Variants in MASTL observed in about 807,000 individuals in gnomAD.
MASTL encodes serine/threonine-protein kinase greatwall.
In MASTL, 54 loss-of-function variants were observed where a neutral mutation model predicts 82.5. That is an observed-to-expected ratio of 0.65 (90% confidence interval 0.53 to 0.82). The LOEUF (loss-of-function observed/expected upper bound fraction) is 0.82. Ranked by LOEUF, MASTL falls within the 40% of genes least tolerant of loss-of-function variation. The pLI is 0.00. For synonymous variants in MASTL, 323 were observed against 368.9 expected, an observed-to-expected ratio of 0.88 and a Z score of 1.43; for missense variants, 950 against 1,047.8, an observed-to-expected ratio of 0.91 and a Z score of 1.29.
At chr10:27,171,190 C>A in intron 8 of MASTL, 107 bp downstream of exon 8, 1 of 957,190 alleles carries the variant, frequency 1.0e-6, no homozygotes, top group Non-Finnish European at 1.6e-6. Context: ...TAGTTCTGTT[C>A]TTCTTGTTGA....
At chr10:27,171,333 A>C (rs1248736620) in intron 8 of MASTL, among the ~76,000 whole-genome samples, 1 of 151,794 alleles carries the variant, frequency 6.6e-6, no homozygotes, top group Non-Finnish European at 1.5e-5. Flanking sequence ...ACAATCACAT[A>C]TTTTCACTTG....
intron 4 of MASTL, among the ~76,000 whole-genome samples, chr10:27,164,830 G>A (rs1156563909): frequency 6.6e-6 from 1 of 151,778 alleles, no homozygotes; most frequent in Non-Finnish European, 1.5e-5. Context: ...TAGAGACAGT[G>A]TTTCACCATG....
chr10:27,169,977 A>C lies in MASTL; in HGVS notation c.1018A>C (p.Ser340Arg). The C allele has an allele frequency of 6.2e-7, 1 of 1,614,146 alleles. No individual in the cohort carries two copies. The highest frequency in any genetic ancestry group is 1.3e-5 in the African/African-American group (1 of 75,052). The stretch of plus-strand genomic sequence containing the variant: ...TGAAGCATTGGGCCCAACAATGATG[A>C]GTTGGAATGCAGTTGAAAAGTTATG... ...SDEALGPTMM[S>R]WNAVEKLCAK... is the part of the protein sequence containing the mutation. Residue 340 changes from serine (S) to arginine (R), a missense_variant, in exon 8 of 12, where the codon AGT becomes CGT. Ser to Arg is a moderately radical substitution (Grantham distance 110). Coordinates refer to ENST00000375940, the MANE Select transcript of MASTL (RefSeq NM_001172303.3).
chr10:27,155,306 G>A (rs1165007347), upstream of MASTL: 5 of 979,996 alleles, frequency 5.1e-6, no homozygotes, highest in African/African-American at 1.6e-5. Context: ...GGCGGGGCGC[G>A]GCGGCGGGGT....
intron 10 of MASTL, 91 bp from the exon 11 acceptor site, chr10:27,181,389 C>T (rs1361824243): frequency 4.1e-6 from 4 of 983,824 alleles, no homozygotes; most frequent in African/African-American, 1.9e-5. Flanking sequence ...GAAACTCCAT[C>T]TCAAAAAACA....
chr10:27,165,196 A>G (rs1365418672), intron 5 of MASTL, 26 bp downstream of exon 5: 2 of 1,492,670 alleles, frequency 1.3e-6, no homozygotes, highest in Admixed American at 1.7e-5. Context: ...GAAAATTAAC[A>G]TGACATACCC....
chr10:27,165,260 T>C, intron 5 of MASTL, 90 bp downstream of exon 5: 4 of 1,381,876 alleles, frequency 2.9e-6, no homozygotes, highest in Non-Finnish European at 4.1e-6. Context: ...AAGATCAAAA[T>C]AGATTTAAAT....
In MASTL at chr10:27,167,393, A is replaced by G. The variant is rs2057775948; in HGVS notation, c.984+119A>G. 4 of 817,164 alleles carry G rather than the reference A, an allele frequency of 4.9e-6. No homozygotes were observed. In the African/African-American group the frequency reaches 6.9e-5, roughly 14 times the overall value. 50.6% of individuals were successfully genotyped at this position (817,164 alleles called of 1,614,324 possible). A position where few individuals can be genotyped will look rare whatever the true frequency, so the allele number is the denominator to read the frequency against. ...TGAAATTGTTACATGAATGGCAGTC[A>G]TAGTATTAATCAGAAATTCATTTTC... On this transcript the variant is annotated intron_variant, in intron 7 of 11. Coordinates refer to ENST00000375940, the MANE Select transcript of MASTL (RefSeq NM_001172303.3).
chr10:27,184,083 C>T (rs2058489423), intron 11 of MASTL, among the ~76,000 whole-genome samples: 1 of 152,104 alleles, frequency 6.6e-6, no homozygotes, highest in African/African-American at 2.4e-5. Context: ...TTGCTTCAGG[C>T]CCTGGGAATA....
rs1170036929 is a variant in MASTL at position 27,165,381 on chromosome 10, T to C, written c.661-8T>C. The C allele has an allele frequency of 1.5e-5, 24 of 1,613,890 alleles. No individual in the cohort carries two copies. The highest frequency in any genetic ancestry group is 2.0e-5 in the Non-Finnish European group (24 of 1,180,008). On this transcript the variant is annotated splice_region_variant and splice_polypyrimidine_tract_variant and intron_variant, in intron 5 of 11. Transcript: ENST00000375940. ...AACCTGTTGTTTTTATTTTTCTCTT[T>C]TTAATAGAACACACCAATTGCAGAA...
At chr10:27,163,313 C>T (rs2057634671) in intron 4 of MASTL, among the ~76,000 whole-genome samples, 1 of 152,142 alleles carries the variant, frequency 6.6e-6, no homozygotes, top group African/African-American at 2.4e-5. Flanking sequence ...TACCACATTA[C>T]TTTTCTAAAA....
rs1221241768 is a variant in MASTL at position 27,155,457 on chromosome 10, C to T, written c.31C>T (p.Pro11Ser). 3.1e-6 allele frequency: 5 copies of T among 1,612,990 alleles called. No homozygotes were observed. The highest frequency in any genetic ancestry group is 3.4e-6 in the Non-Finnish European group (4 of 1,179,700). Reference sequence around the variant, plus strand: ...TCCCACCGCGGGAAGCAAGAAGGAGCCTGGAGGAGGCGCGGCGACTGAGGA... The same window carrying T: ...TCCCACCGCGGGAAGCAAGAAGGAGTCTGGAGGAGGCGCGGCGACTGAGGA... MDPTAGSKKE[P>S]GGGAATEEGV... The change falls in exon 1 of 12, where the codon CCT (proline) becomes TCT (serine). Residue 11 changes from proline to serine, a missense_variant. Pro to Ser is a moderately conservative substitution (Grantham distance 74). Coordinates refer to ENST00000375940, the MANE Select transcript of MASTL (RefSeq NM_001172303.3).
chr10:27,172,392 G>A (rs1384293876), intron 8 of MASTL, among the ~76,000 whole-genome samples: 4 of 152,060 alleles, frequency 2.6e-5, no homozygotes, highest in Non-Finnish European at 5.9e-5. Context: ...AATGCCAGGC[G>A]TGGTGGCTCA....
intron 6 of MASTL, 22 bp from the exon 7 acceptor site, chr10:27,167,080 C>T: frequency 1.9e-6 from 3 of 1,601,414 alleles, no homozygotes; most frequent in Non-Finnish European, 2.6e-6. Context: ...ACATGGAATT[C>T]AATATTGTCT....
intron 3 of MASTL, among the ~76,000 whole-genome samples, chr10:27,160,715 C>T (rs2057541724): frequency 6.6e-6 from 1 of 150,576 alleles, no homozygotes; most frequent in Non-Finnish European, 1.5e-5. Flanking sequence ...TGTGCCATTG[C>T]ACTCCAGCCT....
chr10:27,179,377 A>G (rs1193616026), intron 9 of MASTL, among the ~76,000 whole-genome samples: 1 of 152,150 alleles, frequency 6.6e-6, no homozygotes, highest in African/African-American at 2.4e-5. Flanking sequence ...ACACAGTGAA[A>G]CCCTGTCTCT....
chr10:27,172,964 A>T (rs1004031477), intron 8 of MASTL, among the ~76,000 whole-genome samples, 154 bp from the exon 9 acceptor site: 19 of 152,340 alleles, frequency 1.2e-4, no homozygotes, highest in African/African-American at 4.6e-4. Context: ...ATAACTAATT[A>T]TGCATTCATT....
At chr10:27,184,700 G>A (rs1005199428) in intron 11 of MASTL, among the ~76,000 whole-genome samples, 1 of 151,272 alleles carries the variant, frequency 6.6e-6, no homozygotes, top group African/African-American at 2.4e-5. Context: ...AGCTGGGACT[G>A]CAGCTGCATC....
intron 10 of MASTL, among the ~76,000 whole-genome samples, chr10:27,181,270 A>G (rs1461342345): frequency 6.6e-6 from 1 of 152,154 alleles, no homozygotes; most frequent in Non-Finnish European, 1.5e-5. Flanking sequence ...GGGCGCCTGT[A>G]ATCCCAGCTA....
Sources: allele counts gnomAD v4.1 joint callset (sites outside exome capture counted in the v4.1 genomes callset), GRCh38; gene constraint gnomAD v4.1.1; transcripts MANE v1.5; gene names NCBI Gene and HGNC (gene_info 2026-07-23, HGNC 2026-07-21).